RGS6: variants seen among roughly 807,000 people sequenced by gnomAD.
The protein encoded by RGS6 is regulator of G protein signaling 6.
Under a neutral mutation model 78.5 loss-of-function variants are expected in RGS6, and 30 were observed. The ratio of observed to expected loss-of-function variants is 0.38; its 90% confidence interval spans 0.29 to 0.52. The LOEUF (loss-of-function observed/expected upper bound fraction) is 0.52. RGS6 is among the 20% of genes least tolerant of loss of function. The probability of loss-of-function intolerance (pLI) is 0.85; values close to 1 mark genes in which losing one functional copy is unlikely to be tolerated. For synonymous variants in RGS6, 206 were observed against 206.0 expected (o/e 1.00, Z 0.00); for missense variants, 495 against 609.7 (o/e 0.81, Z 1.98).
chr14:72,136,290 T>C (rs2096439072), intron 2 of RGS6, among the ~76,000 whole-genome samples: 1 of 152,102 alleles, frequency 6.6e-6, no homozygotes, highest in Non-Finnish European at 1.5e-5. Context: ...TCCAAGGACA[T>C]CTTATCTTTA....
At chr14:72,389,511 C>G (rs375714882) in intron 3 of RGS6, among the ~76,000 whole-genome samples, 2 of 152,094 alleles carry the variant, frequency 1.3e-5, no homozygotes, top group African/African-American at 4.8e-5. Context: ...ACATTATTCC[C>G]CAGTGACACT....
At chr14:72,512,096 G>T (rs888327991) in intron 14 of RGS6, among the ~76,000 whole-genome samples, 27 of 152,126 alleles carry the variant, frequency 1.8e-4, no homozygotes, top group African/African-American at 6.3e-4. Flanking sequence ...ACCCCTGGGA[G>T]TCCTTCTCAT....
At chr14:72,523,614 G>T (rs774955073) in intron 15 of RGS6, among the ~76,000 whole-genome samples, 4 of 152,124 alleles carry the variant, frequency 2.6e-5, no homozygotes, top group East Asian at 1.9e-4. Flanking sequence ...GCCTGTATTT[G>T]CTTCCTGTGG....
At chr14:72,013,362 AT>A (rs1555432101) in intron 2 of RGS6, among the ~76,000 whole-genome samples, 1 of 11,118 alleles carries the variant, frequency 9.0e-5, no homozygotes, top group African/African-American at 1.4e-4. Context: ...TAATGACTCC[AT>A]TTTCCATTTG....
chr14:72,484,401 G>GT (rs2153381295), intron 12 of RGS6, among the ~76,000 whole-genome samples: 1 of 152,192 alleles, frequency 6.6e-6, no homozygotes, highest in Admixed American at 6.5e-5. Flanking sequence ...AGCCATGTCA[G>GT]TATCTCTTCA....
chr14:71,964,654 A>G (rs2093410590), intron 1 of RGS6, 118 bp from the exon 2 acceptor site: 1 of 642,378 alleles, frequency 1.6e-6, no homozygotes, highest in Non-Finnish European at 2.7e-6. Flanking sequence ...AAAATGTATC[A>G]TGTAATATCA....
intron 2 of RGS6, among the ~76,000 whole-genome samples, chr14:72,127,510 G>A (rs2096225207): frequency 6.6e-6 from 1 of 152,080 alleles, no homozygotes; most frequent in Non-Finnish European, 1.5e-5. Context: ...TGTTTTCTAA[G>A]AGAACACGTT....
chr14:72,473,681 T>C (rs867691273), intron 9 of RGS6, among the ~76,000 whole-genome samples: 2 of 152,334 alleles, frequency 1.3e-5, no homozygotes, highest in African/African-American at 2.4e-5. Context: ...TTAGCGCACA[T>C]TGAAGCATCA....
intron 1 of RGS6, among the ~76,000 whole-genome samples, chr14:71,956,649 A>G (rs764947459): frequency 2.8e-4 from 42 of 152,040 alleles, no homozygotes; most frequent in Admixed American, 3.3e-4. Flanking sequence ...AGCTGATTAG[A>G]TTGTGCCCAC....
chr14:72,445,857 G>A (rs1381133481), intron 3 of RGS6, among the ~76,000 whole-genome samples: 1 of 152,138 alleles, frequency 6.6e-6, no homozygotes, highest in African/African-American at 2.4e-5. Flanking sequence ...CTAAACACTA[G>A]AACTCCAAAA....
chr14:72,445,560 A>G (rs755927185), intron 3 of RGS6, among the ~76,000 whole-genome samples: 18 of 151,878 alleles, frequency 1.2e-4, no homozygotes, highest in Non-Finnish European at 2.2e-4. Flanking sequence ...TAAACTGCCT[A>G]TATGATGTCT....
chr14:71,920,878 G>C, the RGS6 span, among the ~76,000 whole-genome samples: 1 of 152,190 alleles, frequency 6.6e-6, no homozygotes. Flanking sequence ...AAAGTAAAAA[G>C]CTTCTGCATA....
Position 72,216,713 on chromosome 14 carries a change from G to A in RGS6, c.85-135382G>A, listed in dbSNP as rs536720849. ...ATAATGAACCTGTAGAAATAAAATT[G>A]AAGAGCTAATCAGCCTTGAACGGCG... On this transcript the variant is annotated intron_variant, in intron 2 of 17. Transcript: ENST00000553525. 5.3e-5 allele frequency among the ~76,000 whole-genome samples: 8 copies of A among 152,274 alleles called. No individual in the cohort carries two copies. In the South Asian group the frequency reaches 1.7e-3, roughly 32 times the overall value.
the RGS6 span, among the ~76,000 whole-genome samples, chr14:71,889,321 A>G: frequency 6.6e-6 from 1 of 152,224 alleles, no homozygotes; most frequent in Non-Finnish European, 1.5e-5. Flanking sequence ...CCGAGGAAGA[A>G]GCAGTGAATA....
chr14:72,475,806 T>C (rs1226521471), intron 10 of RGS6, among the ~76,000 whole-genome samples: 4 of 127,720 alleles, frequency 3.1e-5, no homozygotes, highest in African/African-American at 9.3e-5. Context: ...CTCTCTCTCA[T>C]GTATGCATTA....
intron 15 of RGS6, among the ~76,000 whole-genome samples, chr14:72,522,774 G>C (rs896486725): frequency 6.6e-6 from 1 of 152,142 alleles, no homozygotes; most frequent in Non-Finnish European, 1.5e-5. Context: ...CTGTAGATTT[G>C]AATCACAGAC....
intron 2 of RGS6, among the ~76,000 whole-genome samples, chr14:72,118,346 A>G (rs2095958664): frequency 6.6e-6 from 1 of 152,022 alleles, no homozygotes; most frequent in Admixed American, 6.6e-5. Context: ...ATTTCCCTCC[A>G]TCTATACCCC....
chr14:72,621,978 G>C, the RGS6 span, among the ~76,000 whole-genome samples: 1 of 152,204 alleles, frequency 6.6e-6, no homozygotes, highest in Non-Finnish European at 1.5e-5. Context: ...AAGAGAGCAG[G>C]AGAGAAGTCT....
At chr14:72,420,963 C>T (rs1349330129) in intron 3 of RGS6, 2 of 152,166 alleles carry the variant, frequency 1.3e-5, no homozygotes, top group Non-Finnish European at 2.9e-5. Flanking sequence ...GTGAACTGCA[C>T]CCCAGGCGTG....
Sources: allele counts gnomAD v4.1 joint callset (sites outside exome capture counted in the v4.1 genomes callset), GRCh38; gene constraint gnomAD v4.1.1; transcripts MANE v1.5; gene names NCBI Gene and HGNC (gene_info 2026-07-23, HGNC 2026-07-21).